DNAJA3: variants seen among roughly 807,000 people sequenced by gnomAD.
DNAJA3 encodes DnaJ heat shock protein family (Hsp40) member A3, also known as dnaJ homolog subfamily A member 3, mitochondrial.
DNAJA3 carries 29 observed loss-of-function variants against 54.9 expected under a neutral mutation model. That is an observed-to-expected ratio of 0.53 (90% CI 0.39 to 0.72). The LOEUF (loss-of-function observed/expected upper bound fraction) is 0.72. Ranked by LOEUF, DNAJA3 falls within the 30% of genes least tolerant of loss-of-function variation. The pLI is 0.00. For missense variants in DNAJA3, 708 were observed against 639.4 expected (o/e 1.11, Z -1.16); for synonymous variants, 302 against 251.4 (o/e 1.20, Z -1.90).
intron 9 of DNAJA3, 113 bp downstream of exon 9, chr16:4,448,961 C>A (rs1015853334): frequency 4.2e-6 from 3 of 722,260 alleles, no homozygotes; most frequent in African/African-American, 3.5e-5. Context: ...GGTTCCTGCC[C>A]GAGTTATCTG....
intron 1 of DNAJA3, chr16:4,426,791 A>C (rs2056629141): frequency 6.6e-6 from 1 of 152,208 alleles, no homozygotes; most frequent in African/African-American, 2.4e-5. Context: ...TTTTATAAAG[A>C]TACTGAGGCT....
At chr16:4,442,917 C>G in intron 5 of DNAJA3, 100 bp from the exon 6 acceptor site, 1 of 1,390,550 alleles carries the variant, frequency 7.2e-7, no homozygotes, top group Non-Finnish European at 9.9e-7. Context: ...ACATAAAAAA[C>G]AAGCCTTAAA....
chr16:4,454,354 CA>C (rs113612722), intron 10 of DNAJA3, among the ~76,000 whole-genome samples: 11 of 152,342 alleles, frequency 7.2e-5, no homozygotes, highest in African/African-American at 2.6e-4. Flanking sequence ...GGCTCGCACT[CA>C]GTCCTCCCTC....
chr16:4,434,191 T>A, intron 1 of DNAJA3, 193 bp from the exon 2 acceptor site: 1 of 586,036 alleles, frequency 1.7e-6, no homozygotes, highest in Non-Finnish European at 2.9e-6. Context: ...TTCAGTTACC[T>A]CCCATCAGGT....
intron 3 of DNAJA3, chr16:4,441,125 C>T: frequency 1.8e-6 from 1 of 543,680 alleles, no homozygotes; most frequent in Middle Eastern, 4.8e-4. Context: ...AACATTTTCC[C>T]AGCATGCGCG....
chr16:4,443,076 C>A lies in DNAJA3; in HGVS notation c.843C>A (p.Arg281=), dbSNP rs61739189. Residue 281 remains arginine, a synonymous_variant, in exon 6 of 12, where the codon CGC becomes CGA. Coordinates refer to ENST00000262375, the MANE Select transcript of DNAJA3 (RefSeq NM_005147.6). The stretch of plus-strand genomic sequence containing the variant: ...CCACGTGTAGGAGATGTGGTGGCCG[C>A]GGCTCCATCATCATATCGCCCTGTG... ...MRSTCRRCGG[R]GSIIISPCVV... 1.2e-6 allele frequency: 2 copies of A among 1,613,772 alleles called. No individual in the cohort carries two copies. The highest frequency in any genetic ancestry group is 1.7e-6 in the Non-Finnish European group (2 of 1,179,992).
At chr16:4,448,262 TGA>T (rs1444201639) in intron 8 of DNAJA3, among the ~76,000 whole-genome samples, 27 of 150,818 alleles carry the variant, frequency 1.8e-4, no homozygotes, top group African/African-American at 3.4e-4. Flanking sequence ...CCTGACCTCG[TGA>T]TCTGCCTGCC....
At chr16:4,428,354 T>A (rs892210576) in intron 1 of DNAJA3, among the ~76,000 whole-genome samples, 4 of 152,176 alleles carry the variant, frequency 2.6e-5, no homozygotes, top group African/African-American at 9.7e-5. Flanking sequence ...CTTATAGGTG[T>A]GTGCCACCAT....
intron 3 of DNAJA3, among the ~76,000 whole-genome samples, chr16:4,439,177 A>G (rs1156775268): frequency 6.6e-6 from 1 of 152,002 alleles, no homozygotes; most frequent in African/African-American, 2.4e-5. Flanking sequence ...CCTGAGCAAT[A>G]TGGTGAAACC....
At chr16:4,437,678 T>C (rs1023830092) in intron 3 of DNAJA3, 193 bp downstream of exon 3, 2 of 511,966 alleles carry the variant, frequency 3.9e-6, no homozygotes, top group Non-Finnish European at 6.8e-6. Flanking sequence ...ACTCCTGTAG[T>C]CCTAGCACTT....
chr16:4,435,192 G>A (rs1034132038), intron 2 of DNAJA3, among the ~76,000 whole-genome samples: 6 of 151,990 alleles, frequency 3.9e-5, no homozygotes, highest in Non-Finnish European at 5.9e-5. Context: ...GAGCCACCGC[G>A]CCTGGCCCTT....
Position 4,450,465 on chromosome 16 carries a change from G to C in DNAJA3, c.1307G>C (p.Gly436Ala). 6.2e-7 allele frequency: 1 copy of C among 1,611,938 alleles called. No individual in the cohort carries two copies. Among genetic ancestry groups the C allele is most frequent in the Non-Finnish European group, 8.5e-7 (1 of 1,179,280 alleles). Reference protein sequence around the residue: ...SYAEDETDVEGTVNGVTLTSS... With the variant: ...SYAEDETDVEATVNGVTLTSS... Reference sequence around the variant, plus strand: ...GCCGAGGACGAGACAGATGTGGAGGGGACGGTGAACGGCGTCACCCTCACC... The same window carrying C: ...GCCGAGGACGAGACAGATGTGGAGGCGACGGTGAACGGCGTCACCCTCACC... Residue 436 changes from glycine (G) to alanine (A), a missense_variant, in exon 10 of 12, where the codon GGG becomes GCG. Gly to Ala is a moderately conservative substitution (Grantham distance 60, BLOSUM62 0). Coordinates refer to ENST00000262375, the MANE Select transcript of DNAJA3 (RefSeq NM_005147.6).
Position 4,455,777 on chromosome 16 carries a change from A to G in DNAJA3, c.*245A>G, listed in dbSNP as rs994219028. On this transcript the variant is annotated 3_prime_UTR_variant, in exon 12 of 12. Coordinates refer to ENST00000262375, the MANE Select transcript of DNAJA3 (RefSeq NM_005147.6). Reference sequence around the variant, plus strand: ...AGAGGCTGGTGGCAGTTTCCTGTCCATTGGTAGGTGACGGCCCCTGGCTCA... The same window carrying G: ...AGAGGCTGGTGGCAGTTTCCTGTCCGTTGGTAGGTGACGGCCCCTGGCTCA... 6 of 606,962 alleles carry G rather than the reference A, an allele frequency of 9.9e-6. No homozygotes were observed. Among genetic ancestry groups the G allele is most frequent in the South Asian group, 6.0e-5 (3 of 49,974 alleles). The allele number at this position is 606,962 out of a possible 1,614,324, so 37.6% of individuals were successfully genotyped here. A position where few individuals can be genotyped will look rare whatever the true frequency, so the allele number is the denominator to read the frequency against.
At chr16:4,432,541 C>A (rs1214162544) in intron 1 of DNAJA3, among the ~76,000 whole-genome samples, 1 of 149,408 alleles carries the variant, frequency 6.7e-6, no homozygotes, top group African/African-American at 2.5e-5. Context: ...GGGGTTTCTC[C>A]ATGTTGGTCA....
intron 5 of DNAJA3, chr16:4,442,634 G>T: frequency 1.8e-6 from 1 of 552,136 alleles, no homozygotes. Context: ...CAGCTCCGGG[G>T]GCGGGGCGGG....
At chr16:4,444,316 G>C (rs2056875318) in intron 6 of DNAJA3, among the ~76,000 whole-genome samples, 1 of 151,552 alleles carries the variant, frequency 6.6e-6, no homozygotes, top group African/African-American at 2.4e-5. Flanking sequence ...CACAATAACT[G>C]CTCCCTTTCT....
chr16:4,437,937 C>T (rs898667289), intron 3 of DNAJA3, among the ~76,000 whole-genome samples: 94 of 150,644 alleles, frequency 6.2e-4, no homozygotes, highest in African/African-American at 2.2e-3. Flanking sequence ...GTCTGGGCAA[C>T]AGAAAAAGAC....
intron 2 of DNAJA3, among the ~76,000 whole-genome samples, chr16:4,435,853 T>C (rs1178875293): frequency 1.3e-5 from 2 of 152,260 alleles, no homozygotes; most frequent in Non-Finnish European, 2.9e-5. Flanking sequence ...GTATAGTTGC[T>C]GAGTCATATG....
At chr16:4,429,525 A>G (rs1259012080) in intron 1 of DNAJA3, among the ~76,000 whole-genome samples, 2 of 152,262 alleles carry the variant, frequency 1.3e-5, no homozygotes, top group South Asian at 2.1e-4. Flanking sequence ...CCGGCCTACA[A>G]AAAGATTTTT....
Sources: allele counts gnomAD v4.1 joint callset (sites outside exome capture counted in the v4.1 genomes callset), GRCh38; gene constraint gnomAD v4.1.1; transcripts MANE v1.5; gene names NCBI Gene and HGNC (gene_info 2026-07-23, HGNC 2026-07-21).